The following USP15 variants were observed in gnomAD, a reference collection of about 807,000 sequenced individuals.
USP15 encodes the protein ubiquitin carboxyl-terminal hydrolase 15.
A neutral mutation model predicts 127.1 loss-of-function variants in USP15; 18 were observed. That is an observed-to-expected ratio of 0.14 (90% CI 0.10 to 0.21). The LOEUF (loss-of-function observed/expected upper bound fraction) is 0.21. Ranked by LOEUF, USP15 falls within the 10% of genes least tolerant of loss-of-function variation. The probability of loss-of-function intolerance (pLI) is 1.00; values close to 1 mark genes in which losing one functional copy is unlikely to be tolerated. For missense variants in USP15, 805 were observed against 1,159.9 expected (o/e 0.69, Z 4.44); for synonymous variants, 364 against 393.7 (o/e 0.92, Z 0.89).
Position 62,363,627 on chromosome 12 carries a change from G to T in USP15, c.915+8152G>T, listed in dbSNP as rs912734314. Among the ~76,000 whole-genome samples, 29 of 151,940 alleles carry T rather than the reference G, an allele frequency of 1.9e-4. 1 individual carries two copies. Among genetic ancestry groups the T allele is most frequent in the Non-Finnish European group, 1.5e-5 (1 of 67,992 alleles). On this transcript the variant is annotated intron_variant, in intron 8 of 21. Coordinates refer to ENST00000280377, the MANE Select transcript of USP15 (RefSeq NM_001252078.2). The stretch of plus-strand genomic sequence containing the variant: ...TCTGGCATGTTTTATTTCTATTAGG[G>T]TTTTTTGCTTGTCTGTGTATCTTCC...
intron 1 of USP15, among the ~76,000 whole-genome samples, chr12:62,276,867 T>G (rs1235801183): frequency 6.6e-6 from 1 of 152,126 alleles, no homozygotes; most frequent in Non-Finnish European, 1.5e-5. Context: ...AAATAAAAAG[T>G]AATGAATAAA....
chr12:62,320,606 TC>T (rs1389567862), intron 4 of USP15, among the ~76,000 whole-genome samples: 2 of 152,182 alleles, frequency 1.3e-5, no homozygotes, highest in Non-Finnish European at 2.9e-5. Flanking sequence ...TGCCTTTTTT[TC>T]CTACTGATTT....
chr12:62,263,652 G>A (rs1197945594), intron 1 of USP15, among the ~76,000 whole-genome samples: 1 of 152,162 alleles, frequency 6.6e-6, no homozygotes, highest in Non-Finnish European at 1.5e-5. Flanking sequence ...ATTAATACGA[G>A]AGTAATACCT....
intron 19 of USP15, among the ~76,000 whole-genome samples, chr12:62,394,859 A>T (rs2067436797): frequency 6.6e-6 from 1 of 152,148 alleles, no homozygotes; most frequent in African/African-American, 2.4e-5. Context: ...CTCAAAAAAA[A>T]AAAAAAAGAA....
chr12:62,349,219 A>G lies in USP15; in HGVS notation c.684-2A>G. The G allele has an allele frequency of 6.9e-7, 1 of 1,444,494 alleles. No homozygotes were observed. The highest frequency in any genetic ancestry group is 9.1e-7 in the Non-Finnish European group (1 of 1,100,584). 89.5% of individuals were successfully genotyped at this position (1,444,494 alleles called of 1,614,324 possible). On this transcript the variant is annotated splice_acceptor_variant, in intron 6 of 21. Coordinates refer to ENST00000280377, the MANE Select transcript of USP15 (RefSeq NM_001252078.2). LOFTEE classifies it high-confidence loss of function. ...TAATTTAACATTTTCATATTTTTAA[A>G]GGTCCCCAGGTGCATCCAATTTTTC...
chr12:62,308,949 A>G (rs1045653161), intron 3 of USP15, among the ~76,000 whole-genome samples: 3 of 152,184 alleles, frequency 2.0e-5, no homozygotes, highest in Admixed American at 1.3e-4. Context: ...AATAATTAAA[A>G]TACAACTTAA....
At chr12:62,395,276 G>GA (rs1340497048) in intron 19 of USP15, among the ~76,000 whole-genome samples, 1 of 152,168 alleles carries the variant, frequency 6.6e-6, no homozygotes, top group Non-Finnish European at 1.5e-5. Flanking sequence ...CAATAGTGAT[G>GA]ACTGTTTTTC....
chr12:62,306,666 G>A (rs542254644), intron 3 of USP15, among the ~76,000 whole-genome samples: 1 of 152,226 alleles, frequency 6.6e-6, no homozygotes, highest in South Asian at 2.1e-4. Flanking sequence ...ATACACTAAA[G>A]AAAGGATTGT....
chr12:62,316,293 A>C (rs1318469286), intron 4 of USP15, among the ~76,000 whole-genome samples: 3 of 151,912 alleles, frequency 2.0e-5, no homozygotes. Context: ...CAAAAAAAAA[A>C]AAAAAAGCCC....
chr12:62,391,344 C>G lies in USP15; in HGVS notation c.2148C>G (p.Phe716Leu), dbSNP rs2067319419. 2 of 1,613,266 alleles carry G rather than the reference C, an allele frequency of 1.2e-6. No individual in the cohort carries two copies. The highest frequency in any genetic ancestry group is 1.7e-6 in the Non-Finnish European group (2 of 1,179,594). Reference protein sequence around the residue: ...GHKKRLFTFQFNNLGNTDINY... With the variant: ...GHKKRLFTFQLNNLGNTDINY... ...AAAAACGATTGTTTACATTCCAGTTCAACAACTTAGGCAATACTGATATCA... is the reference window on the plus strand; with the variant it reads ...AAAAACGATTGTTTACATTCCAGTTGAACAACTTAGGCAATACTGATATCA... Residue 716 changes from phenylalanine to leucine, a missense_variant, in exon 16 of 22, where the codon TTC (phenylalanine) becomes TTG (leucine). Phe to Leu is a conservative substitution (Grantham distance 22). Transcript: ENST00000280377.
At chr12:62,264,991 C>A (rs2063160045) in intron 1 of USP15, among the ~76,000 whole-genome samples, 1 of 152,112 alleles carries the variant, frequency 6.6e-6, no homozygotes, top group African/African-American at 2.4e-5. Context: ...GACCTTAAGG[C>A]ATGTTTCACA....
intron 8 of USP15, among the ~76,000 whole-genome samples, chr12:62,366,754 C>T (rs1383918321): frequency 1.3e-5 from 2 of 152,144 alleles, no homozygotes; most frequent in South Asian, 2.1e-4. Flanking sequence ...GAGTTTTTAG[C>T]ATGAAAGGGT....
intron 8 of USP15, among the ~76,000 whole-genome samples, chr12:62,376,780 C>T (rs1237040622): frequency 2.6e-5 from 4 of 152,110 alleles, no homozygotes; most frequent in Non-Finnish European, 5.9e-5. Flanking sequence ...GAGATATTCA[C>T]GTAGGCACAA....
rs1001699648 is a variant in USP15, at chr12:62,409,966, T to G, written c.*5591T>G. 1.3e-5 allele frequency: 2 copies of G among 152,174 alleles called. No homozygotes were observed. The highest frequency in any genetic ancestry group is 2.9e-5 in the Non-Finnish European group (2 of 68,006). 9.4% of individuals were successfully genotyped at this position (152,174 alleles called of 1,614,324 possible). A position where few individuals can be genotyped will look rare whatever the true frequency, so the allele number is the denominator to read the frequency against. Reference sequence around the variant, plus strand: ...TTCGATGTTAACAGACGTAACTCTTTAATGCTCCTCTGTTCATGATTAAGT... The same window carrying G: ...TTCGATGTTAACAGACGTAACTCTTGAATGCTCCTCTGTTCATGATTAAGT... On this transcript the variant is annotated 3_prime_UTR_variant, in exon 22 of 22. Coordinates refer to ENST00000280377, the MANE Select transcript of USP15 (RefSeq NM_001252078.2).
chr12:62,381,504 ACCT>A lies in USP15; in HGVS notation c.933_935del (p.Pro312del). ...ATTTTTTGCAGTGTTTGAGCAACAC[ACCT>A]CCACTTACTGAGTATTTCCTCAATG... is the stretch of plus-strand genomic sequence containing the variant. On this transcript the variant is annotated inframe_deletion, in exon 9 of 22. Transcript: ENST00000280377. 6.2e-7 allele frequency: 1 copy of A among 1,608,910 alleles called. No homozygotes were observed. The highest frequency in any genetic ancestry group is 8.5e-7 in the Non-Finnish European group (1 of 1,177,308).
At position 62,391,851 on chromosome 12, in the gene USP15, T is replaced by G; in HGVS notation, c.2269T>G (p.Leu757Val). 3.1e-6 allele frequency: 5 copies of G among 1,610,010 alleles called. No homozygotes were observed. Among genetic ancestry groups the G allele is most frequent in the Non-Finnish European group, 3.4e-6 (4 of 1,178,044 alleles). Residue 757 changes from leucine to valine, a missense_variant, in exon 17 of 22, where the codon TTG (leucine) becomes GTG (valine). Around this residue, in one of 11 missense-constraint regions of USP15, gnomAD observed 225 missense variants for 239.5 expected, o/e 0.94. Transcript: ENST00000280377. The part of the protein sequence containing the change: ...SFLALDWDPD[L>V]KKRYFDENAA... ...TCTTGCTTTGGATTGGGATCCTGAT[T>G]TGAAAAAAAGATATTTTGATGAAAA...
intron 3 of USP15, among the ~76,000 whole-genome samples, chr12:62,314,570 G>T (rs555110144): frequency 2.0e-5 from 3 of 151,808 alleles, no homozygotes; most frequent in African/African-American, 7.2e-5. Flanking sequence ...TTAAAATCAT[G>T]ATTATTTCTT....
rs554424244 is a variant in USP15 at position 62,283,929 on chromosome 12, G to A, written c.90-10250G>A. Among the ~76,000 whole-genome samples, 413 of 152,242 alleles carry A rather than the reference G, an allele frequency of 2.7e-3. 1 individual carries two copies. The highest frequency in any genetic ancestry group is 3.9e-3 in the Non-Finnish European group (268 of 68,016). The stretch of plus-strand genomic sequence containing the variant: ...CACACTCCAGCCTGGGCAGCAGAGC[G>A]AGACCCTATCTCCAAAAAACAAACA... On this transcript the variant is annotated intron_variant, in intron 1 of 21. Transcript: ENST00000280377.
chr12:62,272,845 ATAACTT>A (rs1228120573), intron 1 of USP15, among the ~76,000 whole-genome samples: 6 of 152,106 alleles, frequency 3.9e-5, no homozygotes, highest in African/African-American at 1.4e-4. Context: ...TCATGTTAAT[ATAACTT>A]TATGTAAGTT....
Sources: allele counts gnomAD v4.1 joint callset (sites outside exome capture counted in the v4.1 genomes callset), GRCh38; gene constraint gnomAD v4.1.1; regional missense constraint gnomAD v4.1.1; transcripts MANE v1.5; gene names NCBI Gene and HGNC (gene_info 2026-07-23, HGNC 2026-07-21).